FOXP2: variants seen among roughly 807,000 people sequenced by gnomAD.
FOXP2 encodes forkhead box protein P2.
In FOXP2, 12 loss-of-function variants were observed where a neutral mutation model predicts 115.8. The observed-to-expected ratio is 0.10, with a 90% CI of 0.07 to 0.17. The LOEUF (loss-of-function observed/expected upper bound fraction) is 0.17. Among genes scored for constraint, FOXP2 ranks in the 10% least tolerant of loss-of-function variants. FOXP2 has a pLI of 1.00. For synonymous variants in FOXP2, 328 were observed against 297.7 expected (o/e 1.10, Z -1.05); for missense variants, 629 against 843.5 (o/e 0.75, Z 3.15).
intron 1 of FOXP2, among the ~76,000 whole-genome samples, chr7:114,191,550 T>C (rs949389726): frequency 6.6e-6 from 1 of 152,198 alleles, no homozygotes; most frequent in African/African-American, 2.4e-5. Flanking sequence ...CCACAAAATA[T>C]TTGTACTGAA....
chr7:114,366,773 A>C (rs1487151347), intron 2 of FOXP2: 1 of 152,170 alleles, frequency 6.6e-6, no homozygotes, highest in Non-Finnish European at 1.5e-5. Flanking sequence ...GAAGATAATT[A>C]TAATTTTGTT....
intron 2 of FOXP2, among the ~76,000 whole-genome samples, chr7:114,303,667 T>C (rs921771501): frequency 6.6e-5 from 10 of 152,208 alleles, no homozygotes; most frequent in African/African-American, 2.4e-4. Flanking sequence ...CTTAGAAATA[T>C]GAAACTAGAG....
chr7:114,461,779 A>T (rs1043542267), intron 2 of FOXP2, among the ~76,000 whole-genome samples: 3 of 152,054 alleles, frequency 2.0e-5, no homozygotes, highest in African/African-American at 7.2e-5. Context: ...TCTGCAAGGC[A>T]CTAGGCTGGA....
At chr7:114,584,204 T>A (rs1802011949) in intron 3 of FOXP2, among the ~76,000 whole-genome samples, 1 of 152,156 alleles carries the variant, frequency 6.6e-6, no homozygotes, top group African/African-American at 2.4e-5. Flanking sequence ...ATCTATGGCA[T>A]TTTTCTGATT....
At chr7:114,453,718 C>G (rs1795165763) in intron 2 of FOXP2, among the ~76,000 whole-genome samples, 1 of 151,994 alleles carries the variant, frequency 6.6e-6, no homozygotes, top group South Asian at 2.1e-4. Flanking sequence ...TTGTGGGAAT[C>G]TGTTTCTATA....
rs1453675301 is a variant in FOXP2, at chr7:114,406,753, AG to A, written c.-10-19748del. ...CATAATGTCTCCTTCGAGGCATAAA[AG>A]CACTCTTTATATATTTATTCTTTAT... On this transcript the variant is annotated intron_variant, in intron 2 of 17. Coordinates refer to the FOXP2 transcript ENST00000634411. Among the ~76,000 whole-genome samples, 4 of 152,054 alleles carry A rather than the reference AG, an allele frequency of 2.6e-5. No individual in the cohort carries two copies. In the South Asian group the frequency reaches 6.2e-4, roughly 24 times the overall value.
intron 3 of FOXP2, among the ~76,000 whole-genome samples, chr7:114,598,127 T>C (rs1802823547): frequency 6.6e-6 from 1 of 152,090 alleles, no homozygotes; most frequent in African/African-American, 2.4e-5. Flanking sequence ...GTATTCTGCT[T>C]AATTGTGAGT....
intron 2 of FOXP2, among the ~76,000 whole-genome samples, chr7:114,380,725 C>T (rs1198880426): frequency 1.3e-5 from 2 of 152,224 alleles, no homozygotes; most frequent in Non-Finnish European, 2.9e-5. Context: ...GTGAGTATGT[C>T]ATTCACATCA....
intron 1 of FOXP2, among the ~76,000 whole-genome samples, chr7:114,221,371 A>T (rs1794617108): frequency 6.6e-6 from 1 of 152,198 alleles, no homozygotes; most frequent in Non-Finnish European, 1.5e-5. Context: ...TTTTGTACTT[A>T]AAAATGTCCT....
chr7:114,311,352 G>A (rs772925553), intron 2 of FOXP2, among the ~76,000 whole-genome samples: 1 of 152,184 alleles, frequency 6.6e-6, no homozygotes, highest in Non-Finnish European at 1.5e-5. Context: ...AAGGGGCAGT[G>A]GTGATGGTTC....
chr7:114,319,856 T>C (rs1167621367), intron 2 of FOXP2, among the ~76,000 whole-genome samples: 3 of 152,240 alleles, frequency 2.0e-5, no homozygotes, highest in Non-Finnish European at 4.4e-5. Flanking sequence ...TTGGGTATTG[T>C]CATGTAGATG....
At chr7:114,472,584 G>A (rs906422171) in intron 2 of FOXP2, among the ~76,000 whole-genome samples, 1 of 152,074 alleles carries the variant, frequency 6.6e-6, no homozygotes, top group African/African-American at 2.4e-5. Context: ...CTGACCTCAG[G>A]TGATCCACCA....
rs557063803 is a variant in FOXP2, at chr7:114,528,896, A to G, written c.169-5721A>G. On this transcript the variant is annotated intron_variant, in intron 2 of 16. Coordinates refer to ENST00000350908, the MANE Select transcript of FOXP2 (RefSeq NM_014491.4). Reference sequence around the variant, plus strand: ...ATCAAAAGAATGCACAAAAACTATTATAGTTACTGGAACATGTCCCATGAT... The same window carrying G: ...ATCAAAAGAATGCACAAAAACTATTGTAGTTACTGGAACATGTCCCATGAT... 3.3e-5 allele frequency among the ~76,000 whole-genome samples: 5 copies of G among 152,096 alleles called. No homozygotes were observed. The South Asian group carries it at 1.0e-3, about 31-fold the overall frequency.
rs1366576655 is a variant in FOXP2 at position 114,327,903 on chromosome 7, T to A, written c.-11+39794T>A. On this transcript the variant is annotated intron_variant, in intron 2 of 17. Transcript: ENST00000634411. ...GTTTTATTTATTTATTTTTATTTAC[T>A]TATTTTTTCTTTTCTTTTCTTTTCT... Among the ~76,000 whole-genome samples, 4 of 151,672 alleles carry A rather than the reference T, an allele frequency of 2.6e-5. No individual in the cohort carries two copies. In the East Asian group the frequency reaches 7.7e-4, roughly 29 times the overall value.
intron 3 of FOXP2, among the ~76,000 whole-genome samples, chr7:114,543,470 A>C (rs1156369365): frequency 2.6e-5 from 4 of 152,208 alleles, no homozygotes; most frequent in Non-Finnish European, 5.9e-5. Flanking sequence ...GCCTTATACA[A>C]AGTCTAATAC....
At chr7:114,476,142 A>G (rs1329215077) in intron 2 of FOXP2, among the ~76,000 whole-genome samples, 3 of 106,258 alleles carry the variant, frequency 2.8e-5, no homozygotes, top group Non-Finnish European at 6.1e-5. Flanking sequence ...CCATTTGTTT[A>G]TTTTTATTTT....
intron 6 of FOXP2, among the ~76,000 whole-genome samples, chr7:114,641,588 C>G (rs535057893): frequency 6.6e-6 from 1 of 152,050 alleles, no homozygotes; most frequent in African/African-American, 2.4e-5. Flanking sequence ...TGTCAAATCT[C>G]CTATTTTTTT....
chr7:114,435,521 G>A (rs1213469935), intron 2 of FOXP2, among the ~76,000 whole-genome samples: 2 of 152,096 alleles, frequency 1.3e-5, no homozygotes, highest in Admixed American at 6.6e-5. Flanking sequence ...CTTGTTTGTT[G>A]TGCTCAGAAG....
rs1795988502 is a variant in FOXP2 at position 114,470,271 on chromosome 7, T to C, written c.168+43592T>C. On this transcript the variant is annotated intron_variant, in intron 2 of 16. Transcript: ENST00000350908. ...ACAGGATCTTTGTTCAAAATCTTCC[T>C]TCTACTTGGAATGTTTTCCCCCGAC... Among the ~76,000 whole-genome samples the C allele has an allele frequency of 1.3e-5, 2 of 152,152 alleles. 1 individual carries two copies. The highest frequency in any genetic ancestry group is 4.1e-4 in the South Asian group (2 of 4,826).
Sources: allele counts gnomAD v4.1 joint callset (sites outside exome capture counted in the v4.1 genomes callset), GRCh38; gene constraint gnomAD v4.1.1; transcripts MANE v1.5; gene names NCBI Gene and HGNC (gene_info 2026-07-23, HGNC 2026-07-21).